TCEANC2: variants seen among roughly 807,000 people sequenced by gnomAD.
The protein encoded by TCEANC2 is transcription elongation factor A N-terminal and central domain-containing protein 2.
TCEANC2 carries 20 observed loss-of-function variants against 22.8 expected under a neutral mutation model. That is an observed-to-expected ratio of 0.88 (90% CI 0.62 to 1.28). TCEANC2 has a LOEUF of 1.28. Among genes scored for constraint, TCEANC2 ranks in the 50% most tolerant of loss-of-function variants. TCEANC2 has a pLI of 0.00. For missense variants in TCEANC2, 251 were observed against 249.7 expected (o/e 1.01, Z -0.03); for synonymous variants, 84 against 95.5 (o/e 0.88, Z 0.70).
chr1:54,072,775 C>T (rs1464963899), intron 3 of TCEANC2, among the ~76,000 whole-genome samples: 3 of 151,984 alleles, frequency 2.0e-5, no homozygotes, highest in Non-Finnish European at 2.9e-5. Flanking sequence ...TTGGTGCATT[C>T]TTGTGATTTT....
rs903491926 is a variant in TCEANC2 at position 54,103,566 on chromosome 1, T to C, written c.*7093T>C. 32 of 152,212 alleles carry C rather than the reference T, an allele frequency of 2.1e-4. No homozygotes were observed. The highest frequency in any genetic ancestry group is 7.7e-4 in the African/African-American group (32 of 41,446). 9.4% of individuals were successfully genotyped at this position (152,212 alleles called of 1,614,324 possible). ...TGGGGATTATAATTCGAGTTAAGAT[T>C]TGTGTGGAGACACAGAGCCAAACCA... On this transcript the variant is annotated 3_prime_UTR_variant, in exon 5 of 5. Coordinates refer to ENST00000234827, the MANE Select transcript of TCEANC2 (RefSeq NM_153035.3).
chr1:54,054,908 C>A (rs921069783), intron 2 of TCEANC2, among the ~76,000 whole-genome samples: 1 of 152,200 alleles, frequency 6.6e-6, no homozygotes, highest in African/African-American at 2.4e-5. Flanking sequence ...GTCACACTGC[C>A]CAGAACTGTA....
At chr1:54,107,991 G>A (rs982932149), downstream of TCEANC2, among the ~76,000 whole-genome samples, 12 of 152,178 alleles carry the variant, frequency 7.9e-5, no homozygotes, top group Non-Finnish European at 1.6e-4. Context: ...CCTATTAATA[G>A]ACCCTTAGTC....
intron 3 of TCEANC2, among the ~76,000 whole-genome samples, chr1:54,069,830 A>C (rs1450649787): frequency 6.6e-6 from 1 of 152,228 alleles, no homozygotes; most frequent in Non-Finnish European, 1.5e-5. Flanking sequence ...TTAAAAGGTA[A>C]GTCAGGGACC....
chr1:54,084,703 A>G (rs889578534), intron 3 of TCEANC2, among the ~76,000 whole-genome samples: 3 of 152,138 alleles, frequency 2.0e-5, no homozygotes, highest in African/African-American at 7.2e-5. Flanking sequence ...CTCTACTAAA[A>G]ATACAAAAAT....
intron 2 of TCEANC2, among the ~76,000 whole-genome samples, chr1:54,065,453 C>T (rs191299371): frequency 3.0e-4 from 46 of 152,264 alleles, no homozygotes; most frequent in Middle Eastern, 3.4e-3. Context: ...CATGGTGGCT[C>T]ACACCTGTAA....
chr1:54,081,771 C>T (rs1193349685), intron 3 of TCEANC2, among the ~76,000 whole-genome samples: 2 of 152,132 alleles, frequency 1.3e-5, no homozygotes, highest in African/African-American at 4.8e-5. Context: ...GCTGGTTTGG[C>T]TGGTGTTGAC....
chr1:54,065,284 C>T (rs963535543), intron 2 of TCEANC2, among the ~76,000 whole-genome samples: 2 of 152,034 alleles, frequency 1.3e-5, no homozygotes, highest in African/African-American at 4.8e-5. Context: ...TAGTATGTAT[C>T]ATACAGAAAT....
At chr1:54,084,863 C>G (rs1279516569) in intron 3 of TCEANC2, among the ~76,000 whole-genome samples, 4 of 152,106 alleles carry the variant, frequency 2.6e-5, no homozygotes, top group African/African-American at 9.7e-5. Context: ...ACTACAGTGA[C>G]CAAGAGCATA....
rs751111642 is a variant in TCEANC2, at chr1:54,104,680, T to C, written c.*8207T>C. The C allele has an allele frequency of 1.4e-5, 6 of 429,644 alleles. No homozygotes were observed. Among genetic ancestry groups the C allele is most frequent in the Non-Finnish European group, 2.9e-5 (6 of 210,240 alleles). The allele number at this position is 429,644 out of a possible 1,614,324, so 26.6% of individuals were successfully genotyped here. ...CCTCAGCCTCCCGAGTAACTGGGATTACAGGCATGTGCCACCATGCCCAGC... is the reference window on the plus strand; with the variant it reads ...CCTCAGCCTCCCGAGTAACTGGGATCACAGGCATGTGCCACCATGCCCAGC... On this transcript the variant is annotated 3_prime_UTR_variant, in exon 5 of 5. Coordinates refer to ENST00000234827, the MANE Select transcript of TCEANC2 (RefSeq NM_153035.3).
At chr1:54,068,228 AT>A (rs1657993426) in intron 2 of TCEANC2, among the ~76,000 whole-genome samples, 1 of 152,136 alleles carries the variant, frequency 6.6e-6, no homozygotes, top group Admixed American at 6.6e-5. Context: ...CAAAGTGTTC[AT>A]TTTTTCCATT....
intron 4 of TCEANC2, among the ~76,000 whole-genome samples, chr1:54,092,175 C>T (rs1259320936): frequency 6.6e-6 from 1 of 152,210 alleles, no homozygotes; most frequent in African/African-American, 2.4e-5. Context: ...CTATTCAATT[C>T]AACAGATGTT....
At chr1:54,066,009 G>A (rs911573563) in intron 2 of TCEANC2, among the ~76,000 whole-genome samples, 2 of 151,560 alleles carry the variant, frequency 1.3e-5, no homozygotes, top group South Asian at 2.1e-4. Flanking sequence ...TGGGGGAGAG[G>A]GGGGCGGAGG....
At chr1:54,108,839 G>T (rs953562132), downstream of TCEANC2, among the ~76,000 whole-genome samples, 6 of 152,112 alleles carry the variant, frequency 3.9e-5, no homozygotes, top group Non-Finnish European at 8.8e-5. Flanking sequence ...GGGCATGGTG[G>T]TGGGCGCCTG....
At chr1:54,090,005 T>G (rs1371287653) in intron 4 of TCEANC2, 1 of 674,580 alleles carries the variant, frequency 1.5e-6, no homozygotes, top group Non-Finnish European at 2.8e-6. Flanking sequence ...CTTTCTGTAT[T>G]GCTATATGGA....
At chr1:54,071,365 C>T (rs1557688731) in intron 3 of TCEANC2, among the ~76,000 whole-genome samples, 1 of 152,172 alleles carries the variant, frequency 6.6e-6, no homozygotes, top group Non-Finnish European at 1.5e-5. Context: ...GCTGGGGTTG[C>T]AGTCATCTGA....
downstream of TCEANC2, among the ~76,000 whole-genome samples, chr1:54,109,267 C>G (rs1459932972): frequency 6.6e-6 from 1 of 152,054 alleles, no homozygotes; most frequent in Non-Finnish European, 1.5e-5. Context: ...GAGTGGCATT[C>G]CAGGTACAAG....
chr1:54,070,410 G>A (rs1212263713), intron 3 of TCEANC2, among the ~76,000 whole-genome samples: 1 of 151,992 alleles, frequency 6.6e-6, no homozygotes, highest in African/African-American at 2.4e-5. Flanking sequence ...CAACATAATA[G>A]GCCGGATTTG....
chr1:54,086,481 A>T (rs1249171347), intron 3 of TCEANC2, among the ~76,000 whole-genome samples: 1 of 152,216 alleles, frequency 6.6e-6, no homozygotes, highest in Non-Finnish European at 1.5e-5. Context: ...CCAGATAACA[A>T]GAGAAGTAAG....
Sources: gnomAD v4.1 joint callset for allele counts (sites outside exome capture counted in the v4.1 genomes callset) on GRCh38, gnomAD v4.1.1 for gene constraint, MANE v1.5 for transcripts, NCBI Gene and HGNC (gene_info 2026-07-23, HGNC 2026-07-21) for gene names.